The following SKAP1 variants were observed in gnomAD, a reference collection of about 807,000 sequenced individuals.
The protein encoded by SKAP1 is src kinase associated phosphoprotein 1.
Under a neutral mutation model 58.5 loss-of-function variants are expected in SKAP1, and 44 were observed. The ratio of observed to expected loss-of-function variants is 0.75; its 90% CI spans 0.59 to 0.97. The LOEUF is 0.97. Among genes scored for constraint, SKAP1 ranks in the 50% least tolerant of loss-of-function variants. The pLI, the probability that SKAP1 is intolerant of heterozygous loss-of-function variation, is 0.00. For missense variants in SKAP1, 390 were observed against 435.2 expected (o/e 0.90, Z 0.92); for synonymous variants, 127 against 149.7 (o/e 0.85, Z 1.11).
chr17:48,136,675 AT>A (rs34752231), intron 12 of SKAP1: 56,178 of 139,242 alleles, frequency 0.4, 10,353 homozygotes, highest in Non-Finnish European at 0.42. Flanking sequence ...TTCTGTGTTA[AT>A]TTTTTTTTTT....
Position 48,139,527 on chromosome 17 carries a change from T to C in SKAP1, c.979-2190A>G, listed in dbSNP as rs182686957. ...GGAAATATCACATATTCCAGTTCAA[T>C]TGGATTTGGGGTACCAAAGAGCTAA... On this transcript the variant is annotated intron_variant, in intron 11 of 12. Transcript: ENST00000336915. Among the ~76,000 whole-genome samples the C allele has an allele frequency of 2.6e-3, 400 of 152,264 alleles. 1 individual carries two copies. The highest frequency in any genetic ancestry group is 9.0e-3 in the African/African-American group (374 of 41,564).
chr17:48,215,948 C>T (rs1452662), intron 4 of SKAP1, among the ~76,000 whole-genome samples: 16,980 of 152,188 alleles, frequency 0.11, 1,017 homozygotes, highest in East Asian at 0.18. Context: ...TCCATGTAGC[C>T]CTTTACTCCC....
chr17:48,198,747 T>C (rs1598419621), intron 4 of SKAP1, among the ~76,000 whole-genome samples: 1 of 152,174 alleles, frequency 6.6e-6, no homozygotes. Context: ...ATTTTATCAA[T>C]AACACATATC....
At chr17:48,249,146 G>A (rs1433463720) in intron 4 of SKAP1, 2 of 152,058 alleles carry the variant, frequency 1.3e-5, no homozygotes, top group Non-Finnish European at 2.9e-5. Flanking sequence ...GACTATTCAG[G>A]TGGCCTCCAA....
intron 4 of SKAP1, among the ~76,000 whole-genome samples, chr17:48,261,055 G>A (rs2065479200): frequency 1.3e-5 from 2 of 152,104 alleles, no homozygotes; most frequent in African/African-American, 2.4e-5. Context: ...TTCTATTATA[G>A]CAATTATCAC....
At chr17:48,148,694 G>T (rs2063862450) in intron 11 of SKAP1, among the ~76,000 whole-genome samples, 1 of 152,140 alleles carries the variant, frequency 6.6e-6, no homozygotes, top group Non-Finnish European at 1.5e-5. Context: ...GCACTTCAAG[G>T]GCCATTGCTA....
At chr17:48,224,121 C>T (rs1291661079) in intron 4 of SKAP1, among the ~76,000 whole-genome samples, 2 of 117,290 alleles carry the variant, frequency 1.7e-5, no homozygotes, top group South Asian at 6.1e-4. Context: ...AGGAACTTTC[C>T]AGAAAGGAAA....
At chr17:48,146,959 AG>A (rs1296120439) in intron 11 of SKAP1, among the ~76,000 whole-genome samples, 2 of 152,126 alleles carry the variant, frequency 1.3e-5, no homozygotes, top group Non-Finnish European at 2.9e-5. Context: ...GTGACTTCAG[AG>A]TTGTGGTGTC....
intron 9 of SKAP1, among the ~76,000 whole-genome samples, chr17:48,171,348 C>T (rs75299593): frequency 0.036 from 5,430 of 151,956 alleles, 113 homozygotes; most frequent in East Asian, 0.054. Context: ...TCAGATGATC[C>T]GCCCACCTTG....
At chr17:48,313,034 C>T (rs1394380513) in intron 4 of SKAP1, among the ~76,000 whole-genome samples, 1 of 151,396 alleles carries the variant, frequency 6.6e-6, no homozygotes, top group African/African-American at 2.4e-5. Context: ...ATTCTATATT[C>T]CTAAAGGGAT....
At position 48,211,207 on chromosome 17, in the gene SKAP1, C is replaced by T. The variant is rs74779429; in HGVS notation, c.281-21707G>A. 1.3e-3 allele frequency among the ~76,000 whole-genome samples: 204 copies of T among 152,192 alleles called. 2 individuals are homozygous for T. The East Asian group carries it at 0.035, about 26-fold the overall frequency. ...TTGTAATCCCAGCACTTTGGAGGGC[C>T]AAGGTGGGAGGATGGCTTAAGCCCA... On this transcript the variant is annotated intron_variant, in intron 4 of 12. Coordinates refer to ENST00000336915, the MANE Select transcript of SKAP1 (RefSeq NM_003726.4).
At chr17:48,237,996 T>C (rs1214128275) in intron 4 of SKAP1, among the ~76,000 whole-genome samples, 1 of 151,958 alleles carries the variant, frequency 6.6e-6, no homozygotes, top group Non-Finnish European at 1.5e-5. Context: ...TGTTTTGTTT[T>C]TTGTTTTTTG....
At chr17:48,338,089 CTTTCTTTCTT>C (rs2066599190) in intron 4 of SKAP1, among the ~76,000 whole-genome samples, 2 of 149,556 alleles carry the variant, frequency 1.3e-5, no homozygotes, top group South Asian at 2.1e-4. Flanking sequence ...TTCTTCCTTC[CTTTCTTTCTT>C]TTTCTTTCTT....
At chr17:48,283,282 T>G (rs1459860495) in intron 4 of SKAP1, among the ~76,000 whole-genome samples, 2 of 152,136 alleles carry the variant, frequency 1.3e-5, no homozygotes, top group Non-Finnish European at 2.9e-5. Context: ...AAGACATGTT[T>G]AAAGTTGTAT....
At chr17:48,194,800 G>A (rs2064601500) in intron 4 of SKAP1, among the ~76,000 whole-genome samples, 1 of 152,140 alleles carries the variant, frequency 6.6e-6, no homozygotes, top group South Asian at 2.1e-4. Flanking sequence ...TTAAAAGAGG[G>A]ACCTAACCAA....
chr17:48,321,551 T>G (rs1335633270), intron 4 of SKAP1, among the ~76,000 whole-genome samples: 2 of 152,012 alleles, frequency 1.3e-5, no homozygotes, highest in Non-Finnish European at 2.9e-5. Flanking sequence ...CTAATTTTTT[T>G]GTATTTTTAG....
At position 48,207,626 on chromosome 17, in the gene SKAP1, C is replaced by T. The variant is rs371566769; in HGVS notation, c.281-18126G>A. Among the ~76,000 whole-genome samples, 13 of 152,060 alleles carry T rather than the reference C, an allele frequency of 8.5e-5. No homozygotes were observed. In the East Asian group the frequency reaches 1.5e-3, roughly 18 times the overall value. On this transcript the variant is annotated intron_variant, in intron 4 of 12. Coordinates refer to ENST00000336915, the MANE Select transcript of SKAP1 (RefSeq NM_003726.4). ...TTCTAATATTGTACTTTATACCATACGTCTAATTTGCCTTAGCTCTTCCTA... is the reference window on the plus strand; with the variant it reads ...TTCTAATATTGTACTTTATACCATATGTCTAATTTGCCTTAGCTCTTCCTA...
chr17:48,158,670 A>G (rs986371323), intron 11 of SKAP1, among the ~76,000 whole-genome samples: 3 of 150,748 alleles, frequency 2.0e-5, no homozygotes, highest in African/African-American at 7.3e-5. Context: ...ACTATTAAGA[A>G]ACAGCAGAGG....
Position 48,322,893 on chromosome 17 carries a change from T to C in SKAP1, c.280+23012A>G, listed in dbSNP as rs548797237. Among the ~76,000 whole-genome samples, 450 of 151,124 alleles carry C rather than the reference T, an allele frequency of 3.0e-3. 1 individual carries two copies. Among genetic ancestry groups the C allele is most frequent in the South Asian group, 4.8e-3 (23 of 4,780 alleles). On this transcript the variant is annotated intron_variant, in intron 4 of 12. Coordinates refer to ENST00000336915, the MANE Select transcript of SKAP1 (RefSeq NM_003726.4). ...AGCAGATCACCTGAGGTCAGGAGTT[T>C]GAGACCAGCCTGGCCAACATGGTGA...
Sources: allele counts gnomAD v4.1 joint callset (sites outside exome capture counted in the v4.1 genomes callset), GRCh38; gene constraint gnomAD v4.1.1; transcripts MANE v1.5; gene names NCBI Gene and HGNC (gene_info 2026-07-23, HGNC 2026-07-21).